Variants in STK36 observed in about 807,000 individuals in gnomAD.
The protein encoded by STK36 is serine/threonine-protein kinase 36.
STK36 carries 116 observed loss-of-function variants against 142.2 expected under a neutral mutation model. The ratio of observed to expected loss-of-function variants is 0.82; its 90% CI spans 0.70 to 0.95. STK36 has a LOEUF of 0.95. Ranked by LOEUF, STK36 falls within the 40% of genes least tolerant of loss-of-function variation. The pLI is 0.00. For synonymous variants in STK36, 619 were observed against 641.7 expected (o/e 0.96, Z 0.53); for missense variants, 1,422 against 1,617.2 (o/e 0.88, Z 2.07).
Position 218,690,548 on chromosome 2 carries a change from G to A in STK36, c.1757G>A (p.Ser586Asn). Residue 586 changes from serine (S) to asparagine (N), a missense_variant, in exon 14 of 27, where the codon AGC becomes AAC. Ser to Asn is a conservative substitution (Grantham distance 46). Transcript: ENST00000295709. ...DDSEQTLRRDSLMCFTVLCEA... is the reference protein window; with the variant it reads ...DDSEQTLRRDNLMCFTVLCEA... ...TCTGAGCAGACTTTGCGGAGGGACAGCCTTATGGTAATCTGCTCCCACTTC... is the reference window on the plus strand; with the variant it reads ...TCTGAGCAGACTTTGCGGAGGGACAACCTTATGGTAATCTGCTCCCACTTC... The A allele has an allele frequency of 1.9e-6, 3 of 1,613,180 alleles. No individual in the cohort carries two copies. The highest frequency in any genetic ancestry group is 2.5e-6 in the Non-Finnish European group (3 of 1,179,138).
At chr2:218,701,739 C>G in intron 26 of STK36, 127 bp from the exon 27 acceptor site, 1 of 1,130,646 alleles carries the variant, frequency 8.8e-7, no homozygotes, top group African/African-American at 1.6e-5. Context: ...CCCCAAGAGC[C>G]CATTTCCTTT....
chr2:218,694,666 T>A lies in STK36; in HGVS notation c.2511+31T>A. 6.3e-7 allele frequency: 1 copy of A among 1,589,488 alleles called. No individual in the cohort carries two copies. The highest frequency in any genetic ancestry group is 8.6e-7 in the Non-Finnish European group (1 of 1,157,796). On this transcript the variant is annotated intron_variant, in intron 21 of 26. Transcript: ENST00000295709. This position sits in a 1 kb window ranked among gnomAD's most constrained non-coding sequence, Gnocchi z 4.4. The stretch of plus-strand genomic sequence containing the variant: ...GCCCCCCAGGGAGGGCACAGACATG[T>A]TTTCTCTGAGTCAGACACTAGGACT...
chr2:218,683,632 T>C (rs1214599709), intron 10 of STK36, among the ~76,000 whole-genome samples: 3 of 152,162 alleles, frequency 2.0e-5, no homozygotes, highest in East Asian at 1.9e-4. Context: ...ATGTGCACAA[T>C]GTGCAGGTTA....
At chr2:218,696,409 T>A in intron 21 of STK36, 118 bp from the exon 22 acceptor site, 1 of 838,552 alleles carries the variant, frequency 1.2e-6, no homozygotes, top group South Asian at 1.5e-5. Flanking sequence ...CCATATATTC[T>A]ACCTTCCGGT....
rs1392226780 is a variant in STK36 at position 218,676,368 on chromosome 2, G to C, written c.684+90G>C. On this transcript the variant is annotated intron_variant, in intron 6 of 26. Coordinates refer to ENST00000295709, the MANE Select transcript of STK36 (RefSeq NM_015690.5). Reference sequence around the variant, plus strand: ...TTTTTCCAAATCCTTTTCCAGAGCTGAGGCGGGACTTTGCAGTTACTGAAT... The same window carrying C: ...TTTTTCCAAATCCTTTTCCAGAGCTCAGGCGGGACTTTGCAGTTACTGAAT... 2.0e-6 allele frequency: 3 copies of C among 1,508,644 alleles called. No individual in the cohort carries two copies. The African/African-American group carries it at 4.2e-5, about 21-fold the overall frequency. The allele number at this position is 1,508,644 out of a possible 1,614,324, so 93.5% of individuals were successfully genotyped here. A position where few individuals can be genotyped will look rare whatever the true frequency, so the allele number is the denominator to read the frequency against.
At chr2:218,673,087 C>T (rs776655143) in intron 2 of STK36, 174 bp downstream of exon 2, 2 of 557,324 alleles carry the variant, frequency 3.6e-6, no homozygotes, top group East Asian at 6.1e-5. Flanking sequence ...CAAATTCCAT[C>T]TCCACCGCTT....
chr2:218,697,788 G>GCAATTGGGCAA (rs1941292323), intron 24 of STK36, 66 bp from the exon 25 acceptor site: 1 of 1,609,174 alleles, frequency 6.2e-7, no homozygotes, highest in Non-Finnish European at 8.5e-7. Flanking sequence ...GGAATTGGAG[G>GCAATTGGGCAA]AGGGAGGGAG....
At chr2:218,677,295 A>G (rs1940299754) in intron 6 of STK36, among the ~76,000 whole-genome samples, 1 of 152,180 alleles carries the variant, frequency 6.6e-6, no homozygotes, top group Non-Finnish European at 1.5e-5. Context: ...TGAGAACAGC[A>G]AGGGGGAAGT....
At chr2:218,673,494 GACTA>G in intron 2 of STK36, 127 bp from the exon 3 acceptor site, 1 of 1,273,538 alleles carries the variant, frequency 7.9e-7, no homozygotes. Flanking sequence ...GGAAGCGGGA[GACTA>G]ACAGAAATAA....
chr2:218,676,125 C>T lies in STK36; in HGVS notation c.531C>T (p.Tyr177=), dbSNP rs755984042. Residue 177 remains tyrosine, a synonymous_variant, in exon 6 of 27, where the codon TAC becomes TAT. Transcript: ENST00000295709. The part of the protein sequence containing the change: ...MSPELVEERP[Y]DHTADLWSVG... The stretch of plus-strand genomic sequence containing the variant: ...CAGAGCTGGTGGAGGAGCGACCATA[C>T]GACCACACAGCGGACCTCTGGTCTG... The T allele has an allele frequency of 1.2e-5, 20 of 1,614,118 alleles. No homozygotes were observed. Among genetic ancestry groups the T allele is most frequent in the East Asian group, 4.5e-5 (2 of 44,880 alleles).
At position 218,693,258 on chromosome 2, in the gene STK36, A is replaced by G. The variant is rs150474416; in HGVS notation, c.2062A>G (p.Asn688Asp). Residue 688 changes from asparagine (N) to aspartate (D), a missense_variant, in exon 17 of 27, where the codon AAT becomes GAT. This residue lies in a region of STK36 where 962 missense variants were observed against 1,167.5 expected (regional missense o/e 0.82). Coordinates refer to ENST00000295709, the MANE Select transcript of STK36 (RefSeq NM_015690.5). ...AKEQVCWHLA[N>D]QLTEDSSQLR... is the part of the protein sequence containing the mutation. ...TCTATAGGTCTGTTGGCATTTGGCA[A>G]ATCAGCTAACTGAAGACAGCAGCCA... is the stretch of plus-strand genomic sequence containing the variant. The G allele has an allele frequency of 3.7e-6, 6 of 1,614,066 alleles. No individual in the cohort carries two copies. The African/African-American group carries it at 6.7e-5, about 18-fold the overall frequency.
chr2:218,675,518 ATCT>A, intron 5 of STK36, 45 bp downstream of exon 5: 6 of 1,481,190 alleles, frequency 4.1e-6, no homozygotes, highest in African/African-American at 1.5e-5. Context: ...TCCACACGGA[ATCT>A]TTTTTTTTTT....
rs774131113 is a variant in STK36 at position 218,688,678 on chromosome 2, T to C, written c.1381-19T>C. 2 of 1,607,126 alleles carry C rather than the reference T, an allele frequency of 1.2e-6. No homozygotes were observed. The highest frequency in any genetic ancestry group is 1.3e-5 in the African/African-American group (1 of 74,448). On this transcript the variant is annotated intron_variant, in intron 11 of 26. Transcript: ENST00000295709. Reference sequence around the variant, plus strand: ...CTCTGAAAATATCAATCGTTGCCTCTTTCCCTCATGTCACCCAGATCCTGA... The same window carrying C: ...CTCTGAAAATATCAATCGTTGCCTCCTTCCCTCATGTCACCCAGATCCTGA...
At position 218,698,773 on chromosome 2, in the gene STK36, T is replaced by C. The variant is rs58753698; in HGVS notation, c.3229T>C (p.Leu1077=). ...TGCCCTCCTGAGTGACCAGCCACTG[T>C]TGACCTCCGACCTTCTCTCTCTGCT... ...SVALLSDQPL[L]TSDLLSLLAH... The change falls in exon 26 of 27, where the codon TTG becomes CTG. Residue 1077 remains leucine, a synonymous_variant. Transcript: ENST00000295709. 18,293 of 1,614,146 alleles carry C rather than the reference T, an allele frequency of 0.011. 1,744 individuals carry two copies. The African/African-American group carries it at 0.21, about 19-fold the overall frequency.
At chr2:218,692,833 CAG>C in intron 16 of STK36, 123 bp downstream of exon 16, 1 of 1,316,888 alleles carries the variant, frequency 7.6e-7, no homozygotes, top group Non-Finnish European at 1.0e-6. Context: ...CTTCCAGAAA[CAG>C]ATGCTCCCAC....
chr2:218,680,555 A>G (rs1940469820), intron 9 of STK36, 48 bp from the exon 10 acceptor site: 1 of 1,499,092 alleles, frequency 6.7e-7, no homozygotes, highest in Admixed American at 1.9e-5. Context: ...ACGAACCCTA[A>G]GAGTCATAGG....
In STK36 at chr2:218,702,208, A is replaced by G. The variant is rs189416857; in HGVS notation, c.*199A>G. On this transcript the variant is annotated 3_prime_UTR_variant, in exon 27 of 27. Transcript: ENST00000295709. ...AGATGCAGGATGTTTTCAACCAGTAAATTTTATTGCTGTTGGTGCCAGAGA... is the reference window on the plus strand; with the variant it reads ...AGATGCAGGATGTTTTCAACCAGTAGATTTTATTGCTGTTGGTGCCAGAGA... The G allele has an allele frequency of 3.2e-4, 189 of 585,128 alleles. No homozygotes were observed. Among genetic ancestry groups the G allele is most frequent in the African/African-American group, 3.2e-3 (167 of 52,788 alleles). The allele number at this position is 585,128 out of a possible 1,614,324, so 36.2% of individuals were successfully genotyped here.
Position 218,683,663 on chromosome 2 carries a change from C to G in STK36, c.1237-1422C>G, listed in dbSNP as rs187425204. ...GGTTAGTTACATATGTATACATGTGCCATGCTGGTGCGCAGCACCCACTAA... is the reference window on the plus strand; with the variant it reads ...GGTTAGTTACATATGTATACATGTGGCATGCTGGTGCGCAGCACCCACTAA... On this transcript the variant is annotated intron_variant, in intron 10 of 26. Coordinates refer to ENST00000295709, the MANE Select transcript of STK36 (RefSeq NM_015690.5). Among the ~76,000 whole-genome samples, 1,245 of 152,230 alleles carry G rather than the reference C, an allele frequency of 8.2e-3. 10 individuals carry two copies. Among genetic ancestry groups the G allele is most frequent in the Non-Finnish European group, 0.013 (911 of 68,010 alleles).
Position 218,701,902 on chromosome 2 carries a change from TTGCTCTCTC to T in STK36, c.3844_3852del (p.Leu1282_Leu1284del). Reference sequence around the variant, plus strand: ...CCTGGGTGCCAGTGAGAAACTATCCTTGCTCTCTCTGGGGAATCAGTCACTGCCACACAG... The same window carrying T: ...CCTGGGTGCCAGTGAGAAACTATCCTTGGGGAATCAGTCACTGCCACACAG... On this transcript the variant is annotated inframe_deletion, in exon 27 of 27. Transcript: ENST00000295709. The T allele has an allele frequency of 6.2e-7, 1 of 1,614,162 alleles. No homozygotes were observed. Among genetic ancestry groups the T allele is most frequent in the Non-Finnish European group, 8.5e-7 (1 of 1,180,008 alleles).
Sources: allele counts gnomAD v4.1 joint callset (sites outside exome capture counted in the v4.1 genomes callset), GRCh38; gene constraint gnomAD v4.1.1; regional missense constraint gnomAD v4.1.1; non-coding constraint Gnocchi (gnomAD v3.1); transcripts MANE v1.5; gene names NCBI Gene and HGNC (gene_info 2026-07-23, HGNC 2026-07-21).